Variants in HDAC4 observed in about 807,000 individuals in gnomAD.
HDAC4 encodes the protein histone deacetylase A.
A neutral mutation model predicts 135.1 loss-of-function variants in HDAC4; 16 were observed. The ratio of observed to expected loss-of-function variants is 0.12; its 90% CI spans 0.08 to 0.18. The LOEUF is 0.18. Ranked by LOEUF, HDAC4 falls within the 10% of genes least tolerant of loss-of-function variation. The pLI, the probability that HDAC4 is intolerant of heterozygous loss-of-function variation, is 1.00. For missense variants in HDAC4, 1,143 were observed against 1,511.8 expected (o/e 0.76, Z 4.05); for synonymous variants, 685 against 653.4 (o/e 1.05, Z -0.74).
chr2:239,118,189 G>T (rs1339238078), intron 12 of HDAC4, among the ~76,000 whole-genome samples: 1 of 152,042 alleles, frequency 6.6e-6, no homozygotes, highest in African/African-American at 2.4e-5. Flanking sequence ...ATTGGGCGGG[G>T]GGTTTGTTTT....
chr2:239,059,319 G>C (rs1192248422), intron 24 of HDAC4, among the ~76,000 whole-genome samples: 1 of 152,148 alleles, frequency 6.6e-6, no homozygotes, highest in African/African-American at 2.4e-5. Context: ...AGATAGATGG[G>C]AAAGCAGACA....
At position 239,321,203 on chromosome 2, in the gene HDAC4, C is replaced by T. The variant is rs554248664; in HGVS notation, c.22+31475G>A. On this transcript the variant is annotated intron_variant, in intron 2 of 26. Transcript: ENST00000543185. ...GCTTGCAGCCAGGCGCAGTGGCTCA[C>T]GCCTGTAATCCCGGCACTTTGGAAG... Among the ~76,000 whole-genome samples the T allele has an allele frequency of 2.7e-4, 41 of 152,292 alleles. No individual in the cohort carries two copies. The East Asian group carries it at 5.2e-3, about 19-fold the overall frequency.
At chr2:239,211,052 G>T (rs1044396774) in intron 3 of HDAC4, among the ~76,000 whole-genome samples, 9 of 152,178 alleles carry the variant, frequency 5.9e-5, no homozygotes, top group African/African-American at 2.2e-4. Flanking sequence ...TATTTGAAAG[G>T]CTGGATGAAG....
intron 2 of HDAC4, among the ~76,000 whole-genome samples, chr2:239,345,925 TCACTCTAA>T (rs1257948536): frequency 2.8e-5 from 3 of 106,546 alleles, no homozygotes; most frequent in Non-Finnish European, 5.7e-5. Context: ...ACACGTGCAC[TCACTCTAA>T]CAAACACACA....
At chr2:239,233,349 C>T (rs1279889290) in intron 3 of HDAC4, among the ~76,000 whole-genome samples, 27 of 151,880 alleles carry the variant, frequency 1.8e-4, no homozygotes. Flanking sequence ...AAATCCAAAA[C>T]TTTTTCACGG....
At chr2:239,292,493 C>A (rs929411211) in intron 2 of HDAC4, among the ~76,000 whole-genome samples, 1 of 152,194 alleles carries the variant, frequency 6.6e-6, no homozygotes, top group South Asian at 2.1e-4. Context: ...GTGACCCCAC[C>A]ACTCCAGCGA....
At chr2:239,276,033 AGG>A (rs1426352420) in intron 2 of HDAC4, among the ~76,000 whole-genome samples, 2 of 152,150 alleles carry the variant, frequency 1.3e-5, no homozygotes, top group Non-Finnish European at 2.9e-5. Flanking sequence ...AGCGCAGGCC[AGG>A]GACCTCTGGG....
intron 1 of HDAC4, among the ~76,000 whole-genome samples, chr2:239,366,718 T>C (rs146443473): frequency 7.0e-4 from 107 of 152,292 alleles, no homozygotes; most frequent in African/African-American, 2.5e-3. Context: ...CAATGGATCA[T>C]TTAACATCAA....
At chr2:239,392,920 G>T (rs1446483315) in intron 1 of HDAC4, among the ~76,000 whole-genome samples, 1 of 152,206 alleles carries the variant, frequency 6.6e-6, no homozygotes, top group East Asian at 1.9e-4. Context: ...GGTGGCACTG[G>T]GGGTGCCAGC....
intron 2 of HDAC4, among the ~76,000 whole-genome samples, chr2:239,345,775 GCACT>G (rs1484139757): frequency 4.0e-5 from 5 of 124,720 alleles, no homozygotes; most frequent in East Asian, 2.6e-4. Context: ...TCACACACAT[GCACT>G]CAAACACACA....
chr2:239,251,137 C>T (rs557926690), intron 2 of HDAC4, among the ~76,000 whole-genome samples: 10 of 152,322 alleles, frequency 6.6e-5, no homozygotes, highest in Non-Finnish European at 1.5e-4. Flanking sequence ...GATTTCAAGA[C>T]GTTTTACTCT....
At chr2:239,351,898 A>T (rs760255640) in intron 2 of HDAC4, 6 of 152,768 alleles carry the variant, frequency 3.9e-5, no homozygotes, top group Admixed American at 1.3e-4. Flanking sequence ...GTGCGCTGGA[A>T]GTGGCAGGAA....
chr2:239,085,877 C>G (rs887086430), intron 19 of HDAC4: 1 of 147,700 alleles, frequency 6.8e-6, no homozygotes, highest in Non-Finnish European at 1.5e-5. Context: ...ACATGCGGAT[C>G]TGACTATCTC....
In HDAC4 at chr2:239,146,604, G is replaced by A. The variant is rs993814368; in HGVS notation, c.734-1890C>T. ...GCTGCCACCAGGTCATCAGTCAGGC[G>A]GCAGATCCTCCACAGCCCTGCCGGG... On this transcript the variant is annotated intron_variant, in intron 7 of 26. Coordinates refer to ENST00000543185, the MANE Select transcript of HDAC4 (RefSeq NM_001378414.1). The surrounding 1 kb of genome is among the most constrained non-coding windows in gnomAD (Gnocchi z 4.5). Among the ~76,000 whole-genome samples the A allele has an allele frequency of 5.9e-5, 9 of 152,114 alleles. No homozygotes were observed. Among genetic ancestry groups the A allele is most frequent in the East Asian group, 3.9e-4 (2 of 5,176 alleles).
intron 16 of HDAC4, among the ~76,000 whole-genome samples, chr2:239,098,925 C>T (rs575757210): frequency 2.0e-5 from 3 of 152,134 alleles, no homozygotes; most frequent in Admixed American, 6.5e-5. Flanking sequence ...TTTTAAAGCA[C>T]AAAGCTTTCC....
chr2:239,107,887 C>T (rs1216302632), intron 15 of HDAC4, among the ~76,000 whole-genome samples, 163 bp downstream of exon 15: 2 of 152,242 alleles, frequency 1.3e-5, no homozygotes, highest in Non-Finnish European at 2.9e-5. Flanking sequence ...CAGATAGCTG[C>T]CCGCCCAAAT....
chr2:239,326,325 GA>G (rs1280112843), intron 2 of HDAC4, among the ~76,000 whole-genome samples: 1 of 152,206 alleles, frequency 6.6e-6, no homozygotes, highest in Non-Finnish European at 1.5e-5. Flanking sequence ...GATTCGCTGA[GA>G]AAGCAGAATG....
intron 2 of HDAC4, among the ~76,000 whole-genome samples, chr2:239,249,965 G>A (rs1252927179): frequency 3.9e-5 from 6 of 152,136 alleles, no homozygotes; most frequent in Admixed American, 6.5e-5. Context: ...GCTGTGACGC[G>A]TCATCCAAGG....
At chr2:239,290,727 C>T (rs759835361) in intron 2 of HDAC4, among the ~76,000 whole-genome samples, 6 of 152,120 alleles carry the variant, frequency 3.9e-5, no homozygotes, top group Non-Finnish European at 7.4e-5. Context: ...TACGCACTCA[C>T]GTACGCACAC....
Sources: allele counts gnomAD v4.1 joint callset (sites outside exome capture counted in the v4.1 genomes callset), GRCh38; gene constraint gnomAD v4.1.1; non-coding constraint Gnocchi (gnomAD v3.1); transcripts MANE v1.5; gene names NCBI Gene and HGNC (gene_info 2026-07-23, HGNC 2026-07-21).